Variants in WDR11 observed in about 807,000 individuals in gnomAD.
WDR11 encodes WD repeat domain 11.
Under a neutral mutation model 151.2 loss-of-function variants are expected in WDR11, and 83 were observed. The observed-to-expected ratio is 0.55, with a 90% CI of 0.46 to 0.66. The LOEUF is 0.66. Among genes scored for constraint, WDR11 ranks in the 30% least tolerant of loss-of-function variants. The pLI is 0.00. For synonymous variants in WDR11, 484 were observed against 533.1 expected (o/e 0.91, Z 1.27); for missense variants, 1,301 against 1,480.9 (o/e 0.88, Z 1.99).
At position 120,865,213 on chromosome 10, in the gene WDR11, G is replaced by A. The variant is rs1846270581; in HGVS notation, c.879+1G>A. The A allele has an allele frequency of 6.2e-7, 1 of 1,613,400 alleles. No homozygotes were observed. Among genetic ancestry groups the A allele is most frequent in the Admixed American group, 1.7e-5 (1 of 59,982 alleles). On this transcript the variant is annotated splice_donor_variant, in intron 6 of 28. Transcript: ENST00000263461. LOFTEE classifies it high-confidence loss of function. ...ACGCACAGGAGTTCCATTTTTACAG[G>A]TATCTACAATTCATAAATTATATTC...
chr10:120,866,419 A>C (rs1379504308), intron 7 of WDR11, 150 bp from the exon 8 acceptor site: 8 of 795,938 alleles, frequency 1.0e-5, no homozygotes, highest in Non-Finnish European at 1.7e-5. Flanking sequence ...GAAAAAATTT[A>C]GTAGTAATTG....
At chr10:120,874,963 C>A (rs7909325) in intron 11 of WDR11, among the ~76,000 whole-genome samples, 2,540 of 152,128 alleles carry the variant, frequency 0.017, 21 homozygotes, top group African/African-American at 0.027. Context: ...TCTCCCTCCC[C>A]TTGCCCCTCA....
intron 12 of WDR11, 64 bp from the exon 13 acceptor site, chr10:120,880,760 TGG>T: frequency 7.3e-7 from 1 of 1,361,450 alleles, no homozygotes. Flanking sequence ...TACATTGGCG[TGG>T]CTTCTTGTTT....
At position 120,898,372 on chromosome 10, in the gene WDR11, T is replaced by C. The variant is rs114801717; in HGVS notation, c.2516-1657T>C. Reference sequence around the variant, plus strand: ...GTATTCAAGTTGTTTCAAACATATTTAAAAGTTATCCAATGACTGAATCAA... The same window carrying C: ...GTATTCAAGTTGTTTCAAACATATTCAAAAGTTATCCAATGACTGAATCAA... On this transcript the variant is annotated intron_variant, in intron 19 of 28. Transcript: ENST00000263461. Among the ~76,000 whole-genome samples, 1,446 of 152,382 alleles carry C rather than the reference T, an allele frequency of 9.5e-3. 22 individuals carry two copies. Among genetic ancestry groups the C allele is most frequent in the African/African-American group, 0.033 (1,385 of 41,598 alleles).
At chr10:120,857,549 T>TACAC (rs142168226) in intron 2 of WDR11, among the ~76,000 whole-genome samples, 57,293 of 151,682 alleles carry the variant, frequency 0.38, 10,763 homozygotes, top group Admixed American at 0.44. Context: ...TATATACACA[T>TACAC]ACCTCATTTA....
chr10:120,907,124 C>A (rs1434503035), intron 28 of WDR11, among the ~76,000 whole-genome samples: 1 of 152,032 alleles, frequency 6.6e-6, no homozygotes, highest in Non-Finnish European at 1.5e-5. Context: ...CAAGTCTTGT[C>A]TGAACTTAAA....
chr10:120,852,659 C>G (rs1310863821), intron 2 of WDR11, 24 bp downstream of exon 2: 1 of 1,586,280 alleles, frequency 6.3e-7, no homozygotes, highest in Non-Finnish European at 8.7e-7. Flanking sequence ...CACTTTGACG[C>G]TAACATGTTG....
chr10:120,900,016 C>G lies in WDR11; in HGVS notation c.2516-13C>G. On this transcript the variant is annotated splice_polypyrimidine_tract_variant and intron_variant, in intron 19 of 28. Coordinates refer to ENST00000263461, the MANE Select transcript of WDR11 (RefSeq NM_018117.12). ...CTTCATTTTATTTTTAAAAACCTTTCTTTGTTGTCTAGAGCCTGTGTGGTG... is the reference window on the plus strand; with the variant it reads ...CTTCATTTTATTTTTAAAAACCTTTGTTTGTTGTCTAGAGCCTGTGTGGTG... 1 of 1,605,912 alleles carries G rather than the reference C, an allele frequency of 6.2e-7. No individual in the cohort carries two copies. Among genetic ancestry groups the G allele is most frequent in the Non-Finnish European group, 8.5e-7 (1 of 1,172,742 alleles).
chr10:120,891,024 T>G, intron 19 of WDR11, 137 bp downstream of exon 19: 1 of 926,520 alleles, frequency 1.1e-6, no homozygotes, highest in Non-Finnish European at 1.7e-6. Flanking sequence ...GAAAATATAT[T>G]AACTTGAAGC....
At chr10:120,881,222 T>G (rs1846995781) in intron 13 of WDR11, among the ~76,000 whole-genome samples, 1 of 152,202 alleles carries the variant, frequency 6.6e-6, no homozygotes, top group Non-Finnish European at 1.5e-5. Flanking sequence ...TTTAAACTCA[T>G]TTTGCTTCCA....
rs1164335210 is a variant in WDR11 at position 120,852,636 on chromosome 10, G to T, written c.198+1G>T. 1.2e-6 allele frequency: 2 copies of T among 1,613,008 alleles called. No individual in the cohort carries two copies. The highest frequency in any genetic ancestry group is 1.7e-5 in the Admixed American group (1 of 60,010). On this transcript the variant is annotated splice_donor_variant, in intron 2 of 28. Coordinates refer to ENST00000263461, the MANE Select transcript of WDR11 (RefSeq NM_018117.12). LOFTEE classifies it high-confidence loss of function. ...AAAGCATAAAGCTGATGTTGTAAAG[G>T]TAAGTAAAATCCCACTTTGACGCTA...
rs1848055606 is a variant in WDR11 at position 120,906,562 on chromosome 10, T to G, written c.3438-214T>G. 2.1e-6 allele frequency: 3 copies of G among 1,413,786 alleles called. No individual in the cohort carries two copies. The Admixed American group carries it at 8.6e-5, about 40-fold the overall frequency. 87.6% of individuals were successfully genotyped at this position (1,413,786 alleles called of 1,614,324 possible). On this transcript the variant is annotated intron_variant, in intron 27 of 28. Coordinates refer to ENST00000263461, the MANE Select transcript of WDR11 (RefSeq NM_018117.12). Reference sequence around the variant, plus strand: ...TGTGTATTTAAACTATTTCACAATTTTTTAAAGTATTAATTTTAAAAAGCT... The same window carrying G: ...TGTGTATTTAAACTATTTCACAATTGTTTAAAGTATTAATTTTAAAAAGCT...
intron 16 of WDR11, among the ~76,000 whole-genome samples, chr10:120,888,825 A>G (rs1488481786): frequency 1.3e-5 from 2 of 152,092 alleles, no homozygotes; most frequent in Admixed American, 6.6e-5. Context: ...TTGTTCCTCA[A>G]AAGACATCCC....
chr10:120,899,240 C>T (rs1847722620), intron 19 of WDR11, among the ~76,000 whole-genome samples: 1 of 152,114 alleles, frequency 6.6e-6, no homozygotes, highest in South Asian at 2.1e-4. Flanking sequence ...TGTTCAACAG[C>T]TACCTTTATA....
chr10:120,877,101 CAGAG>C (rs1846821092), intron 11 of WDR11, among the ~76,000 whole-genome samples: 1 of 152,140 alleles, frequency 6.6e-6, no homozygotes, highest in Non-Finnish European at 1.5e-5. Context: ...GCTAATTAAT[CAGAG>C]AGGTATTAAT....
At chr10:120,885,693 G>A in intron 14 of WDR11, 121 bp from the exon 15 acceptor site, 1 of 1,253,298 alleles carries the variant, frequency 8.0e-7, no homozygotes, top group East Asian at 2.4e-5. Context: ...GAACAAATGT[G>A]GATTCATGTG....
chr10:120,908,305 A>C, intron 28 of WDR11: 1 of 500,384 alleles, frequency 2.0e-6, no homozygotes, highest in South Asian at 2.1e-5. Flanking sequence ...GTCTTCTGGA[A>C]GGAGAAGCTT....
At chr10:120,869,105 G>GTTTTTT (rs1491035622) in intron 9 of WDR11, among the ~76,000 whole-genome samples, 1 of 71,634 alleles carries the variant, frequency 1.4e-5, no homozygotes, top group Non-Finnish European at 3.3e-5. Flanking sequence ...ATAAATTACA[G>GTTTTTT]GTTTTTTTTT....
At chr10:120,868,810 C>T (rs971602728) in intron 9 of WDR11, 14 of 152,186 alleles carry the variant, frequency 9.2e-5, no homozygotes, top group African/African-American at 3.1e-4. Flanking sequence ...CGATTTCTGC[C>T]AGTTATGAAA....
Sources: gnomAD v4.1 joint callset for allele counts (sites outside exome capture counted in the v4.1 genomes callset) on GRCh38, gnomAD v4.1.1 for gene constraint, MANE v1.5 for transcripts, NCBI Gene and HGNC (gene_info 2026-07-23, HGNC 2026-07-21) for gene names.